Variants in RGL4 observed in about 807,000 individuals in gnomAD.
The protein encoded by RGL4 is ral-GDS-related protein.
A neutral mutation model predicts 49.6 loss-of-function variants in RGL4; 41 were observed. The observed-to-expected ratio is 0.83, with a 90% CI of 0.64 to 1.07. RGL4 has a LOEUF of 1.07. Ranked by LOEUF, RGL4 falls within the 50% of genes least tolerant of loss-of-function variation. RGL4 has a pLI of 0.00. For missense variants in RGL4, 610 were observed against 591.9 expected, an observed-to-expected ratio of 1.03 and a Z score of -0.32; for synonymous variants, 255 against 238.0, an observed-to-expected ratio of 1.07 and a Z score of -0.66.
intron 7 of RGL4, 88 bp downstream of exon 7, chr22:23,696,776 A>C: frequency 8.5e-7 from 1 of 1,180,716 alleles, no homozygotes; most frequent in East Asian, 2.5e-5. Context: ...ATATCAAGAC[A>C]GCGGGGGCTT....
In RGL4 at chr22:23,692,818, G is replaced by A; in HGVS notation, c.523G>A (p.Ala175Thr). ...ATATCTACATTCAGCACCAGGGCCA[G>A]CACCAGCACCAGGGGAAGGGCCCCC... ...PGYLHSAPGP[A>T]PAPGEGPPPG... Residue 175 changes from alanine (A) to threonine (T), a missense_variant, in exon 3 of 11, where the codon GCA becomes ACA. Physicochemically the swap from Ala to Thr is moderately conservative, Grantham distance 58 (BLOSUM62 0). Transcript: ENST00000290691. 6.2e-7 allele frequency: 1 copy of A among 1,613,602 alleles called. No homozygotes were observed. The highest frequency in any genetic ancestry group is 8.5e-7 in the Non-Finnish European group (1 of 1,179,988).
chr22:23,692,229 C>G lies in RGL4; in HGVS notation c.179+20C>G. ...CTTACGGTAGGGTGGGGCTGTCCTC[C>G]ACACTGGCAGCAACAGGCCAGGGAC... On this transcript the variant is annotated intron_variant, in intron 1 of 10. Coordinates refer to ENST00000290691, the MANE Select transcript of RGL4 (RefSeq NM_153615.2). 6.2e-7 allele frequency: 1 copy of G among 1,610,082 alleles called. No homozygotes were observed. Among genetic ancestry groups the G allele is most frequent in the Non-Finnish European group, 8.5e-7 (1 of 1,176,822 alleles).
At chr22:23,693,429 G>T (rs951349251) in intron 3 of RGL4, among the ~76,000 whole-genome samples, 5 of 152,234 alleles carry the variant, frequency 3.3e-5, no homozygotes, top group Non-Finnish European at 1.5e-5. Flanking sequence ...GTAGTAGAGG[G>T]CTGATTGGGA....
rs988814093 is a variant in RGL4, at chr22:23,698,587, C to G, written c.1382+254C>G. ...TTCACGATGATGTCCAGGATCGTCT[C>G]AAACTCCTGGCCTCAAGCAATCCAC... On this transcript the variant is annotated intron_variant, in intron 10 of 10. Coordinates refer to ENST00000290691, the MANE Select transcript of RGL4 (RefSeq NM_153615.2). 1.8e-5 allele frequency: 13 copies of G among 724,932 alleles called. No homozygotes were observed. In the East Asian group the frequency reaches 3.5e-4, roughly 19 times the overall value. The allele number at this position is 724,932 out of a possible 1,614,324, so 44.9% of individuals were successfully genotyped here.
intron 10 of RGL4, 96 bp from the exon 11 acceptor site, chr22:23,698,748 G>A: frequency 2.1e-6 from 3 of 1,422,158 alleles, no homozygotes; most frequent in Non-Finnish European, 2.8e-6. Context: ...GTTGCATGGG[G>A]ACCACTGGGG....
rs6003845 is a variant in RGL4, at chr22:23,693,028, C to A, written c.696+37C>A. On this transcript the variant is annotated intron_variant, in intron 3 of 10. Transcript: ENST00000290691. ...AGCTTTGCAGGCTGTGTCTCTGGCA[C>A]CAGCTGTCTCAGACCAGCCTCTCCC... 6,611 of 1,549,606 alleles carry A rather than the reference C, an allele frequency of 4.3e-3. 216 individuals carry two copies. In the African/African-American group the frequency reaches 0.077, roughly 18 times the overall value.
chr22:23,699,028 A>G lies in RGL4; in HGVS notation c.*145A>G. On this transcript the variant is annotated 3_prime_UTR_variant, in exon 11 of 11. Coordinates refer to ENST00000290691, the MANE Select transcript of RGL4 (RefSeq NM_153615.2). ...CAGCTGCATCTTGCCCTGGATCCTCATCACCAACTGCTCCTGCTGGCCAGG... is the reference window on the plus strand; with the variant it reads ...CAGCTGCATCTTGCCCTGGATCCTCGTCACCAACTGCTCCTGCTGGCCAGG... The G allele has an allele frequency of 1.3e-6, 2 of 1,548,352 alleles. No individual in the cohort carries two copies. The highest frequency in any genetic ancestry group is 1.7e-6 in the Non-Finnish European group (2 of 1,146,544).
intron 6 of RGL4, among the ~76,000 whole-genome samples, chr22:23,696,044 T>C (rs932338740): frequency 2.0e-5 from 3 of 152,194 alleles, no homozygotes; most frequent in Non-Finnish European, 4.4e-5. Flanking sequence ...CCATCACGAC[T>C]GTATGTGGCT....
intron 4 of RGL4, 107 bp downstream of exon 4, chr22:23,694,081 C>T (rs1441245480): frequency 2.0e-6 from 2 of 996,688 alleles, no homozygotes; most frequent in Non-Finnish European, 3.1e-6. Context: ...CTGGACCCTG[C>T]ACATCCCCTA....
In RGL4 at chr22:23,698,858, G is replaced by A. The variant is rs1295975246; in HGVS notation, c.1397G>A (p.Cys466Tyr). The change falls in exon 11 of 11, where the codon TGC (cysteine) becomes TAC (tyrosine). Residue 466 changes from cysteine to tyrosine, a missense_variant. Cys to Tyr is a radical substitution (Grantham distance 194, BLOSUM62 -2). Transcript: ENST00000290691. ...LSDKESYKLS[C>Y]QLEPENP ...CTGTCCTGCAGCTACAAGCTGTCCTGCCAGCTGGAGCCCGAAAACCCGTAG... is the reference window on the plus strand; with the variant it reads ...CTGTCCTGCAGCTACAAGCTGTCCTACCAGCTGGAGCCCGAAAACCCGTAG... 6.2e-7 allele frequency: 1 copy of A among 1,610,252 alleles called. No homozygotes were observed. Among genetic ancestry groups the A allele is most frequent in the Non-Finnish European group, 8.5e-7 (1 of 1,177,274 alleles).
At chr22:23,697,054 G>T in intron 7 of RGL4, 117 bp from the exon 8 acceptor site, 1 of 789,766 alleles carries the variant, frequency 1.3e-6, no homozygotes. Flanking sequence ...ACCTGAGGAG[G>T]GGGCTCTGGG....
chr22:23,696,227 A>G, intron 6 of RGL4: 2 of 1,055,856 alleles, frequency 1.9e-6, no homozygotes, highest in Non-Finnish European at 2.4e-6. Flanking sequence ...TCATCTGGAA[A>G]ATGAAGGGAT....
In RGL4 at chr22:23,697,877, A is replaced by C. The variant is rs1483637544; in HGVS notation, c.1260+16A>C. The C allele has an allele frequency of 6.2e-7, 1 of 1,603,270 alleles. No individual in the cohort carries two copies. The highest frequency in any genetic ancestry group is 8.5e-7 in the Non-Finnish European group (1 of 1,175,892). On this transcript the variant is annotated intron_variant, in intron 9 of 10. Transcript: ENST00000290691. ...GAGGAGCAAGGTGAGCAGCTGGGGC[A>C]CTCACGTTGGATGAGGGTGGGGATG...
chr22:23,692,850 G>A lies in RGL4; in HGVS notation c.555G>A (p.Gly185=). ...CACCAGGGGAAGGGCCCCCTCCAGGGACAGTGCTGGAGCCACAGTCAGCCC... is the reference window on the plus strand; with the variant it reads ...CACCAGGGGAAGGGCCCCCTCCAGGAACAGTGCTGGAGCCACAGTCAGCCC... The part of the protein sequence containing the change: ...APAPGEGPPP[G]TVLEPQSAPE... Residue 185 remains glycine (G), a synonymous_variant, in exon 3 of 11, where the codon GGG becomes GGA. Coordinates refer to ENST00000290691, the MANE Select transcript of RGL4 (RefSeq NM_153615.2). 6.2e-7 allele frequency: 1 copy of A among 1,613,614 alleles called. No individual in the cohort carries two copies. The highest frequency in any genetic ancestry group is 8.5e-7 in the Non-Finnish European group (1 of 1,179,980).
At chr22:23,695,050 G>A in intron 6 of RGL4, 31 bp downstream of exon 6, 2 of 1,489,840 alleles carry the variant, frequency 1.3e-6, no homozygotes, top group Non-Finnish European at 1.9e-6. Flanking sequence ...TGCAGGACAA[G>A]TGTTTAAGGG....
chr22:23,696,693 G>A lies in RGL4; in HGVS notation c.1161+5G>A. Reference sequence around the variant, plus strand: ...AGGCTGCGGAGGCAGAAGAAGGTGAGTGAGCCTGTGGCATGGACGGGCCGC... The same window carrying A: ...AGGCTGCGGAGGCAGAAGAAGGTGAATGAGCCTGTGGCATGGACGGGCCGC... On this transcript the variant is annotated splice_donor_5th_base_variant and intron_variant, in intron 7 of 10. Transcript: ENST00000290691. 1 of 1,612,190 alleles carries A rather than the reference G, an allele frequency of 6.2e-7. No individual in the cohort carries two copies. The highest frequency in any genetic ancestry group is 8.5e-7 in the Non-Finnish European group (1 of 1,179,322).
chr22:23,698,362 G>A (rs1403013942), intron 10 of RGL4, 29 bp downstream of exon 10: 5 of 1,583,338 alleles, frequency 3.2e-6, no homozygotes, highest in Non-Finnish European at 4.3e-6. Flanking sequence ...GGCTGAGGGT[G>A]GGAGAAGGCT....
At position 23,692,503 on chromosome 22, in the gene RGL4, G is replaced by A. The variant is rs371705840; in HGVS notation, c.348G>A (p.Pro116=). ...TTGTCCTAGGCCAGTTGGTGCTTCC[G>A]GAGCCCAACGAGGCCAAGCCAGATG... The part of the protein sequence containing the change: ...QEIVLGQLVL[P]EPNEAKPDDP... The change falls in exon 2 of 11, where the codon CCG becomes CCA. Residue 116 remains proline, a synonymous_variant. Transcript: ENST00000290691. The A allele has an allele frequency of 1.1e-4, 173 of 1,614,034 alleles. 1 individual carries two copies. The Middle Eastern group carries it at 8.1e-3, about 75-fold the overall frequency.
At chr22:23,694,661 C>A (rs1413061686) in intron 5 of RGL4, 1 of 597,490 alleles carries the variant, frequency 1.7e-6, no homozygotes, top group Non-Finnish European at 3.0e-6. Context: ...CAGGAACAGA[C>A]TGGAGCCAAC....
Sources: gnomAD v4.1 joint callset for allele counts (sites outside exome capture counted in the v4.1 genomes callset) on GRCh38, gnomAD v4.1.1 for gene constraint, MANE v1.5 for transcripts, NCBI Gene and HGNC (gene_info 2026-07-23, HGNC 2026-07-21) for gene names.